Variants in CHD1 observed in about 807,000 individuals in gnomAD.
The protein encoded by CHD1 is chromodomain helicase DNA binding protein 1.
A neutral mutation model predicts 224.2 loss-of-function variants in CHD1; 36 were observed. The observed-to-expected ratio is 0.16, with a 90% CI of 0.12 to 0.21. CHD1 has a LOEUF of 0.21. Among genes scored for constraint, CHD1 ranks in the 10% least tolerant of loss-of-function variants. CHD1 has a pLI of 1.00. For missense variants in CHD1, 1,378 were observed against 1,994.8 expected (o/e 0.69, Z 5.89); for synonymous variants, 668 against 658.3 (o/e 1.01, Z -0.23).
At chr5:98,867,749 G>C (rs1030518955) in intron 31 of CHD1, among the ~76,000 whole-genome samples, 1 of 149,112 alleles carries the variant, frequency 6.7e-6, no homozygotes, top group African/African-American at 2.5e-5. Flanking sequence ...GCTCATGCCT[G>C]TAATCCCAGC....
Position 98,903,807 on chromosome 5 carries a change from A to G in CHD1, c.357T>C (p.Asn119=), listed in dbSNP as rs988732307. 8 of 1,612,896 alleles carry G rather than the reference A, an allele frequency of 5.0e-6. No individual in the cohort carries two copies. Among genetic ancestry groups the G allele is most frequent in the Non-Finnish European group, 6.8e-6 (8 of 1,178,974 alleles). The change falls in exon 4 of 36, where the codon AAT becomes AAC. Residue 119 remains asparagine (N), a synonymous_variant. Coordinates refer to ENST00000614616, the MANE Select transcript of CHD1 (RefSeq NM_001270.4). ...QQQQQHQASS[N]SGSEEDSSSS... Reference sequence around the variant, plus strand: ...GAAAATGCACCTCTTCTGATCCGCTATTAGATGAGGCTTGATGTTGTTGTT... The same window carrying G: ...GAAAATGCACCTCTTCTGATCCGCTGTTAGATGAGGCTTGATGTTGTTGTT...
intron 2 of CHD1, among the ~76,000 whole-genome samples, chr5:98,917,032 G>T (rs1005252714): frequency 1.4e-4 from 22 of 152,110 alleles, no homozygotes; most frequent in African/African-American, 5.1e-4. Flanking sequence ...AAAACAAAAA[G>T]ACTCCTTGTT....
intron 16 of CHD1, 138 bp from the exon 17 acceptor site, chr5:98,888,378 A>AT: frequency 1.5e-6 from 1 of 677,922 alleles, no homozygotes; most frequent in Non-Finnish European, 2.3e-6. Flanking sequence ...CACTTTTCAA[A>AT]ATTTTCTAAG....
Position 98,901,179 on chromosome 5 carries a change from ACC to A in CHD1, c.587+5_587+6del. 3 of 1,609,696 alleles carry A rather than the reference ACC, an allele frequency of 1.9e-6. No individual in the cohort carries two copies. Among genetic ancestry groups the A allele is most frequent in the Non-Finnish European group, 2.5e-6 (3 of 1,178,742 alleles). On this transcript the variant is annotated splice_donor_5th_base_variant and intron_variant, in intron 6 of 35. Coordinates refer to ENST00000614616, the MANE Select transcript of CHD1 (RefSeq NM_001270.4). ...AATCAATTTTCAGCACCAAACTGAG[ACC>A]ATACCTATTTTGAGGTTTTCTGCTT...
intron 2 of CHD1, among the ~76,000 whole-genome samples, chr5:98,923,692 C>A (rs1041673883): frequency 6.6e-6 from 1 of 152,124 alleles, no homozygotes; most frequent in Admixed American, 6.5e-5. Flanking sequence ...GGATTACAGG[C>A]GTAAGCCACC....
At chr5:98,879,156 GC>G (rs1749981415) in intron 23 of CHD1, among the ~76,000 whole-genome samples, 1 of 152,102 alleles carries the variant, frequency 6.6e-6, no homozygotes, top group Non-Finnish European at 1.5e-5. Flanking sequence ...ATCATCTGAG[GC>G]CGGGAGGTTA....
intron 10 of CHD1, 82 bp downstream of exon 10, chr5:98,898,174 T>C (rs889645118): frequency 7.9e-6 from 6 of 761,476 alleles, no homozygotes; most frequent in Non-Finnish European, 9.1e-6. Context: ...GAAATCAGGA[T>C]CCAACTCTTG....
intron 15 of CHD1, 51 bp from the exon 16 acceptor site, chr5:98,889,289 T>G: frequency 7.5e-7 from 1 of 1,338,152 alleles, no homozygotes. Flanking sequence ...ATTACCAGGA[T>G]AAATTCTAAA....
intron 2 of CHD1, among the ~76,000 whole-genome samples, chr5:98,920,789 G>A (rs141948817): frequency 0.023 from 3,275 of 143,388 alleles, 98 homozygotes; most frequent in African/African-American, 0.079. Flanking sequence ...AGAGCAAGAC[G>A]CCGTCTCAAA....
At chr5:98,858,069 T>C (rs1748174555) in intron 35 of CHD1, 111 bp downstream of exon 35, 3 of 760,206 alleles carry the variant, frequency 3.9e-6, no homozygotes, top group South Asian at 1.8e-5. Context: ...TTTCACAAGA[T>C]TTGTTTTGAC....
intron 1 of CHD1, among the ~76,000 whole-genome samples, chr5:98,927,938 T>C (rs1033896903): frequency 3.3e-5 from 5 of 152,210 alleles, no homozygotes; most frequent in African/African-American, 4.8e-5. Flanking sequence ...CCTAAGTTAT[T>C]AAACCTCTTC....
intron 30 of CHD1, 83 bp downstream of exon 30, chr5:98,869,671 A>G (rs1246788103): frequency 4.1e-6 from 6 of 1,476,158 alleles, no homozygotes; most frequent in Non-Finnish European, 4.7e-6. Flanking sequence ...TACCTAAAAT[A>G]TAAATTTTAA....
intron 1 of CHD1, among the ~76,000 whole-genome samples, chr5:98,928,295 C>A (rs1368623747): frequency 1.3e-5 from 2 of 152,072 alleles, no homozygotes; most frequent in African/African-American, 4.8e-5. Flanking sequence ...GGCACCAAGC[C>A]GAAGAGGCCG....
chr5:98,891,107 T>A (rs1750994302), intron 15 of CHD1, among the ~76,000 whole-genome samples: 1 of 152,188 alleles, frequency 6.6e-6, no homozygotes, highest in African/African-American at 2.4e-5. Flanking sequence ...GGGGTCTCAC[T>A]CTGTCACCCA....
chr5:98,858,663 G>A (rs781173875), intron 34 of CHD1: 1 of 427,954 alleles, frequency 2.3e-6, no homozygotes, highest in Non-Finnish European at 4.1e-6. Flanking sequence ...CAGAAAGAAT[G>A]CATTACTATT....
chr5:98,859,002 T>C lies in CHD1; in HGVS notation c.4538A>G (p.Gln1513Arg). The stretch of plus-strand genomic sequence containing the variant: ...CACGTGAGGATTCAAGTTGCTGTTT[T>C]GATCACTGTTTTGCTAAAATAAATG... ...KRQESQQNSD[Q>R]NSNLNPHVIR... is the part of the protein sequence containing the mutation. Residue 1513 changes from glutamine to arginine, a missense_variant, in exon 34 of 36, where the codon CAA becomes CGA. Physicochemically the swap from Gln to Arg is conservative, Grantham distance 43 (BLOSUM62 1). Around this residue, in one of 16 missense-constraint regions of CHD1, gnomAD observed 278 missense variants for 298.5 expected, o/e 0.93. Transcript: ENST00000614616. The C allele has an allele frequency of 1.9e-6, 3 of 1,577,952 alleles. No homozygotes were observed. Among genetic ancestry groups the C allele is most frequent in the Admixed American group, 2.0e-5 (1 of 51,094 alleles).
Position 98,863,467 on chromosome 5 carries a change from G to A in CHD1, c.4368C>T (p.Asp1456=). ...ACTCTTTTAGACATTCTGTGATATG[G>A]TCTCCAATTTTTATTAAACATTGTC... The part of the protein sequence containing the change: ...HTRQCLIKIG[D]HITECLKEYT... The change falls in exon 32 of 36, where the codon GAC becomes GAT. Residue 1456 remains aspartate (D), a synonymous_variant. Coordinates refer to ENST00000614616, the MANE Select transcript of CHD1 (RefSeq NM_001270.4). 1 of 1,605,210 alleles carries A rather than the reference G, an allele frequency of 6.2e-7. No homozygotes were observed. Among genetic ancestry groups the A allele is most frequent in the Non-Finnish European group, 8.5e-7 (1 of 1,174,968 alleles).
intron 4 of CHD1, 107 bp downstream of exon 4, chr5:98,903,682 CCTA>C: frequency 6.0e-6 from 5 of 829,688 alleles, no homozygotes; most frequent in South Asian, 1.4e-5. Flanking sequence ...TAAAGTATTT[CCTA>C]CTTATTCTTT....
intron 34 of CHD1, chr5:98,858,659 G>C (rs1748227602): frequency 6.9e-6 from 3 of 435,242 alleles, no homozygotes; most frequent in Admixed American, 7.8e-5. Flanking sequence ...GATACAGAAA[G>C]AATGCATTAC....
Sources: allele counts gnomAD v4.1 joint callset (sites outside exome capture counted in the v4.1 genomes callset), GRCh38; gene constraint gnomAD v4.1.1; regional missense constraint gnomAD v4.1.1; transcripts MANE v1.5; gene names NCBI Gene and HGNC (gene_info 2026-07-23, HGNC 2026-07-21).